SDK1: variants seen among roughly 807,000 people sequenced by gnomAD.
The protein encoded by SDK1 is protein sidekick-1.
Under a neutral mutation model 245.5 loss-of-function variants are expected in SDK1, and 157 were observed. That is an observed-to-expected ratio of 0.64 (90% CI 0.56 to 0.73). The LOEUF is 0.73. Among genes scored for constraint, SDK1 ranks in the 30% least tolerant of loss-of-function variants. SDK1 has a pLI of 0.00. For synonymous variants in SDK1, 1,647 were observed against 1,278.5 expected (o/e 1.29, Z -6.15); for missense variants, 3,583 against 3,002.3 (o/e 1.19, Z -4.52).
chr7:4,073,142 C>G (rs1253333126), intron 20 of SDK1, among the ~76,000 whole-genome samples: 2 of 152,192 alleles, frequency 1.3e-5, no homozygotes, highest in Non-Finnish European at 2.9e-5. Context: ...GGGAGGTACC[C>G]CCGCTCCTGG....
chr7:3,355,665 C>G (rs575935804), intron 1 of SDK1, among the ~76,000 whole-genome samples: 1 of 152,256 alleles, frequency 6.6e-6, no homozygotes, highest in South Asian at 2.1e-4. Context: ...AGCTTTCCAC[C>G]GACAAATCTA....
intron 18 of SDK1, among the ~76,000 whole-genome samples, chr7:4,051,330 T>G (rs932982062): frequency 6.8e-6 from 1 of 147,730 alleles, no homozygotes; most frequent in Non-Finnish European, 1.5e-5. Context: ...TATATATATG[T>G]TTTTTAACCT....
At chr7:3,599,620 G>T (rs553219529) in intron 1 of SDK1, among the ~76,000 whole-genome samples, 3 of 152,192 alleles carry the variant, frequency 2.0e-5, no homozygotes, top group African/African-American at 7.2e-5. Flanking sequence ...GGTCCATTTT[G>T]ATTTAATTTG....
At chr7:3,430,112 A>C (rs1434371392) in intron 1 of SDK1, among the ~76,000 whole-genome samples, 1 of 152,186 alleles carries the variant, frequency 6.6e-6, no homozygotes, top group Admixed American at 6.5e-5. Flanking sequence ...AATGACTAGG[A>C]GGACAGTAGG....
At chr7:3,968,998 G>C (rs773916160) in intron 10 of SDK1, among the ~76,000 whole-genome samples, 7 of 152,076 alleles carry the variant, frequency 4.6e-5, no homozygotes, top group South Asian at 2.1e-4. Context: ...AGAGCAAAGG[G>C]GGAAGTGCCA....
Position 3,687,427 on chromosome 7 carries a change from C to G in SDK1, c.713+45322C>G, listed in dbSNP as rs1431424991. ...CAGGCGTGAGCCACCCCGCCCAGCC[C>G]CATAGCATTTTTATTCATAATCACC... On this transcript the variant is annotated intron_variant, in intron 4 of 44. Coordinates refer to ENST00000404826, the MANE Select transcript of SDK1 (RefSeq NM_152744.4). 2.6e-5 allele frequency among the ~76,000 whole-genome samples: 4 copies of G among 152,252 alleles called. No homozygotes were observed. In the East Asian group the frequency reaches 7.7e-4, roughly 29 times the overall value.
chr7:3,634,801 G>A (rs1243098182), intron 2 of SDK1, among the ~76,000 whole-genome samples: 1 of 152,150 alleles, frequency 6.6e-6, no homozygotes, highest in Non-Finnish European at 1.5e-5. Flanking sequence ...AACAGCATAT[G>A]CTTAATATTC....
At chr7:4,150,763 G>A (rs924810811) in intron 30 of SDK1, among the ~76,000 whole-genome samples, 1 of 152,234 alleles carries the variant, frequency 6.6e-6, no homozygotes, top group Non-Finnish European at 1.5e-5. Flanking sequence ...GAGTGTGGGT[G>A]TAACTGGTCC....
chr7:3,891,926 C>G (rs1435594865), intron 5 of SDK1, among the ~76,000 whole-genome samples: 1 of 151,756 alleles, frequency 6.6e-6, no homozygotes, highest in Non-Finnish European at 1.5e-5. Flanking sequence ...ATTTTTTTTT[C>G]CTTATAGCAC....
intron 1 of SDK1, among the ~76,000 whole-genome samples, chr7:3,585,020 A>C (rs550540755): frequency 6.6e-6 from 1 of 152,102 alleles, no homozygotes; most frequent in Admixed American, 6.5e-5. Context: ...CACCGCGCCC[A>C]GCCAACTTCA....
intron 5 of SDK1, among the ~76,000 whole-genome samples, chr7:3,847,721 C>A (rs553935123): frequency 6.6e-6 from 1 of 152,328 alleles, no homozygotes; most frequent in Non-Finnish European, 1.5e-5. Context: ...TCATTTTGTA[C>A]CTGCAAATAG....
chr7:3,853,728 G>C (rs1043784766), intron 5 of SDK1, among the ~76,000 whole-genome samples: 7 of 152,034 alleles, frequency 4.6e-5, no homozygotes, highest in African/African-American at 1.7e-4. Context: ...CAGTGGCTCA[G>C]GTCTGTAATC....
At chr7:3,566,224 CTTT>C (rs568790658) in intron 1 of SDK1, among the ~76,000 whole-genome samples, 4 of 125,402 alleles carry the variant, frequency 3.2e-5, no homozygotes, top group East Asian at 2.3e-4. Context: ...TAAACTTCTT[CTTT>C]TTTTTTTTTT....
At chr7:3,735,665 C>A (rs1001900294) in intron 4 of SDK1, among the ~76,000 whole-genome samples, 1 of 152,086 alleles carries the variant, frequency 6.6e-6, no homozygotes, top group Admixed American at 6.6e-5. Context: ...GTCTTCAATT[C>A]GTTTAGATAG....
intron 13 of SDK1, among the ~76,000 whole-genome samples, chr7:3,979,268 T>A (rs1375414128): frequency 6.6e-6 from 1 of 152,192 alleles, no homozygotes; most frequent in Admixed American, 6.5e-5. Flanking sequence ...TGGAAGCCAG[T>A]TGGGGAGGGA....
intron 1 of SDK1, among the ~76,000 whole-genome samples, chr7:3,429,261 T>TA (rs1316070138): frequency 1.3e-5 from 2 of 152,152 alleles, no homozygotes; most frequent in African/African-American, 2.4e-5. Context: ...TAAGTGCCTC[T>TA]AAAATGCCAG....
intron 5 of SDK1, among the ~76,000 whole-genome samples, chr7:3,880,750 C>G (rs1468842641): frequency 1.3e-5 from 2 of 152,032 alleles, no homozygotes; most frequent in African/African-American, 4.8e-5. Context: ...AAAGACAAAC[C>G]AGACGGGCTG....
At chr7:4,014,603 T>C (rs1480509781) in intron 16 of SDK1, among the ~76,000 whole-genome samples, 1 of 152,200 alleles carries the variant, frequency 6.6e-6, no homozygotes, top group Non-Finnish European at 1.5e-5. Flanking sequence ...ATAAATCACT[T>C]CCGTGGCTCC....
chr7:4,074,000 G>A (rs550550686), intron 20 of SDK1, among the ~76,000 whole-genome samples: 10 of 152,238 alleles, frequency 6.6e-5, no homozygotes, highest in Admixed American at 4.6e-4. Context: ...CCCGGACATC[G>A]CCTATTGGTT....
Sources: allele counts gnomAD v4.1 joint callset (sites outside exome capture counted in the v4.1 genomes callset), GRCh38; gene constraint gnomAD v4.1.1; transcripts MANE v1.5; gene names NCBI Gene and HGNC (gene_info 2026-07-23, HGNC 2026-07-21).